Variants in TLCD4 observed in about 807,000 individuals in gnomAD.
The protein encoded by TLCD4 is TLC domain-containing protein 4.
In TLCD4, 7 loss-of-function variants were observed where a neutral mutation model predicts 24.2. The observed-to-expected ratio is 0.29, with a 90% CI of 0.16 to 0.54. The LOEUF (loss-of-function observed/expected upper bound fraction) is 0.54, where lower values mean the gene tolerates loss of function less well. Ranked by LOEUF, TLCD4 falls within the 20% of genes least tolerant of loss-of-function variation. TLCD4 has a pLI of 0.95. For missense variants in TLCD4, 259 were observed against 313.9 expected (o/e 0.82, Z 1.32); for synonymous variants, 103 against 106.4 (o/e 0.97, Z 0.20).
chr1:95,176,948 A>G (rs1678451722), intron 6 of TLCD4, among the ~76,000 whole-genome samples: 1 of 152,208 alleles, frequency 6.6e-6, no homozygotes, highest in Non-Finnish European at 1.5e-5. Flanking sequence ...TTGGCTGTAC[A>G]TGCAAGGGTT....
intron 6 of TLCD4, among the ~76,000 whole-genome samples, chr1:95,190,096 C>CTTTTTTTTTTTT (rs71097254): frequency 1.5e-5 from 2 of 135,144 alleles, no homozygotes; most frequent in Non-Finnish European, 3.3e-5. Context: ...TTTGCACTTT[C>CTTTTTTTTTTTT]TTTTTTTTTT....
At position 95,176,083 on chromosome 1, in the gene TLCD4, C is replaced by T. The variant is rs115767909; in HGVS notation, c.473+2194C>T. On this transcript the variant is annotated intron_variant, in intron 6 of 6. Coordinates refer to ENST00000370203, the MANE Select transcript of TLCD4 (RefSeq NM_152487.3). The stretch of plus-strand genomic sequence containing the variant: ...GAGCCACCGTGCCTGGCTGGTCATG[C>T]GGTTTTGATCTACATTTTACTTTGA... Among the ~76,000 whole-genome samples, 676 of 151,856 alleles carry T rather than the reference C, an allele frequency of 4.5e-3. 7 individuals carry two copies. The highest frequency in any genetic ancestry group is 0.015 in the African/African-American group (614 of 41,406).
At chr1:95,106,461 C>T in the TLCD4 span, among the ~76,000 whole-genome samples, 1 of 152,012 alleles carries the variant, frequency 6.6e-6, no homozygotes, top group African/African-American at 2.4e-5. Context: ...ACCACTTTGG[C>T]AGGCCGAGGC....
chr1:95,100,581 T>A, the TLCD4 span, among the ~76,000 whole-genome samples: 87 of 151,682 alleles, frequency 5.7e-4, 1 homozygote, highest in Middle Eastern at 6.9e-3. Context: ...TCTCAAAAAA[T>A]AATAATAATA....
At chr1:95,100,087 A>G in the TLCD4 span, among the ~76,000 whole-genome samples, 1 of 152,076 alleles carries the variant, frequency 6.6e-6, no homozygotes, top group Admixed American at 6.6e-5. Context: ...CCTGGACAAC[A>G]GAGTGAGACC....
chr1:95,124,885 G>C (rs953274337), intron 1 of TLCD4, among the ~76,000 whole-genome samples: 7 of 151,918 alleles, frequency 4.6e-5, no homozygotes, highest in African/African-American at 1.7e-4. Context: ...CCACCACCCT[G>C]TACTTGGTCC....
intron 6 of TLCD4, among the ~76,000 whole-genome samples, chr1:95,179,021 C>T (rs1678546034): frequency 6.6e-6 from 1 of 152,194 alleles, no homozygotes; most frequent in Non-Finnish European, 1.5e-5. Context: ...TATTTCTCAC[C>T]TTTACCACCT....
At chr1:95,107,900 G>A in the TLCD4 span, among the ~76,000 whole-genome samples, 1 of 152,116 alleles carries the variant, frequency 6.6e-6, no homozygotes, top group South Asian at 2.1e-4. Flanking sequence ...ATGATGGTGG[G>A]GAGACCAATC....
At chr1:95,095,899 A>G in the TLCD4 span, among the ~76,000 whole-genome samples, 1 of 152,360 alleles carries the variant, frequency 6.6e-6, no homozygotes, top group Non-Finnish European at 1.5e-5. Flanking sequence ...AAATTACAAC[A>G]TATAAAGTAC....
At chr1:95,162,146 G>A (rs1411593055) in intron 5 of TLCD4, among the ~76,000 whole-genome samples, 2 of 152,086 alleles carry the variant, frequency 1.3e-5, no homozygotes, top group East Asian at 1.9e-4. Context: ...AAGTCTCTTT[G>A]TAGGTCTCTA....
At chr1:95,152,861 T>A (rs1354506858) in intron 5 of TLCD4, among the ~76,000 whole-genome samples, 1 of 152,132 alleles carries the variant, frequency 6.6e-6, no homozygotes, top group Non-Finnish European at 1.5e-5. Context: ...TAATCCTCAA[T>A]TTTTAAGGAC....
rs1553173729 is a variant in TLCD4, at chr1:95,191,541, A to G, written c.474-9A>G. The G allele has an allele frequency of 1.3e-6, 2 of 1,592,878 alleles. No individual in the cohort carries two copies. Among genetic ancestry groups the G allele is most frequent in the Non-Finnish European group, 1.7e-6 (2 of 1,171,108 alleles). On this transcript the variant is annotated splice_polypyrimidine_tract_variant and intron_variant, in intron 6 of 6. Coordinates refer to ENST00000370203, the MANE Select transcript of TLCD4 (RefSeq NM_152487.3). Reference sequence around the variant, plus strand: ...TATAAATGTGATGTTTCTTTAATTCATTTTTCAGGTGGTTCTTTGAAGCTC... The same window carrying G: ...TATAAATGTGATGTTTCTTTAATTCGTTTTTCAGGTGGTTCTTTGAAGCTC...
chr1:95,110,627 G>A, the TLCD4 span, among the ~76,000 whole-genome samples: 1 of 151,760 alleles, frequency 6.6e-6, no homozygotes, highest in African/African-American at 2.4e-5. Flanking sequence ...GGTGGCTCAC[G>A]CCTGTAATCC....
At chr1:95,175,771 C>A (rs1193950959) in intron 6 of TLCD4, among the ~76,000 whole-genome samples, 1 of 151,082 alleles carries the variant, frequency 6.6e-6, no homozygotes, top group Non-Finnish European at 1.5e-5. Context: ...TTTTCTTTTT[C>A]TTTTCTTTTC....
At chr1:95,110,130 T>A in the TLCD4 span, among the ~76,000 whole-genome samples, 1 of 150,916 alleles carries the variant, frequency 6.6e-6, no homozygotes, top group African/African-American at 2.4e-5. Flanking sequence ...ATTTAAAAAA[T>A]ATATATATTT....
intron 1 of TLCD4, among the ~76,000 whole-genome samples, chr1:95,139,455 A>ATTT (rs200337389): frequency 0.12 from 11,684 of 93,530 alleles, 1,590 homozygotes; most frequent in South Asian, 0.18. Flanking sequence ...TAAACCTTTG[A>ATTT]TTTTTTTTTT....
chr1:95,137,642 T>A (rs551674215), intron 1 of TLCD4, among the ~76,000 whole-genome samples: 2 of 152,072 alleles, frequency 1.3e-5, no homozygotes, highest in East Asian at 3.9e-4. Flanking sequence ...CCTTTAAAAT[T>A]GCCCCTTCTT....
the TLCD4 span, among the ~76,000 whole-genome samples, chr1:95,103,226 G>A: frequency 4.6e-5 from 7 of 152,092 alleles, no homozygotes; most frequent in East Asian, 1.9e-4. Flanking sequence ...TGATGCACCC[G>A]CCTCAGCCAC....
intron 5 of TLCD4, among the ~76,000 whole-genome samples, chr1:95,162,710 G>C (rs11165325): frequency 0.44 from 67,245 of 151,790 alleles, 16,361 homozygotes; most frequent in Middle Eastern, 0.58. Flanking sequence ...GTGACAGAAT[G>C]TCTCAGCATT....
Sources: gnomAD v4.1 joint callset for allele counts (sites outside exome capture counted in the v4.1 genomes callset) on GRCh38, gnomAD v4.1.1 for gene constraint, MANE v1.5 for transcripts, NCBI Gene and HGNC (gene_info 2026-07-23, HGNC 2026-07-21) for gene names.